Variants in TMEM266 observed in about 807,000 individuals in gnomAD.
The protein encoded by TMEM266 is Hv1 related protein 1.
In TMEM266, 33 loss-of-function variants were observed where a neutral mutation model predicts 50.5. The ratio of observed to expected loss-of-function variants is 0.65; its 90% CI spans 0.50 to 0.87. The LOEUF (loss-of-function observed/expected upper bound fraction) is 0.87, where lower values mean the gene tolerates loss of function less well. Among genes scored for constraint, TMEM266 ranks in the 40% least tolerant of loss-of-function variants. The pLI is 0.00. For missense variants in TMEM266, 655 were observed against 695.1 expected (o/e 0.94, Z 0.65); for synonymous variants, 310 against 292.3 (o/e 1.06, Z -0.62).
At chr15:76,076,191 A>G (rs527547079) in intron 1 of TMEM266, among the ~76,000 whole-genome samples, 83 of 151,974 alleles carry the variant, frequency 5.5e-4, no homozygotes, top group Non-Finnish European at 9.6e-4. Context: ...CTAACGTTCC[A>G]TCCTGAAGAT....
intron 1 of TMEM266, among the ~76,000 whole-genome samples, chr15:76,115,134 CTT>C (rs1030637836): frequency 1.3e-5 from 2 of 152,110 alleles, no homozygotes; most frequent in African/African-American, 4.8e-5. Flanking sequence ...TATCCCTTGT[CTT>C]TTTAAAATAA....
rs71444968 is a variant in TMEM266, at chr15:76,157,998, GTAAATAAATAAA to G, written c.382+1259_382+1270del. Among the ~76,000 whole-genome samples the G allele has an allele frequency of 4.8e-4, 72 of 150,512 alleles. 1 individual carries two copies. The South Asian group carries it at 5.7e-3, about 12-fold the overall frequency. ...GTGAGACCCCATCTCAAATAAATAA[GTAAATAAATAAA>G]TAAATAAATAAATAAATAGAGGTAC... is the stretch of plus-strand genomic sequence containing the variant. On this transcript the variant is annotated intron_variant, in intron 4 of 10. Coordinates refer to ENST00000388942, the MANE Select transcript of TMEM266 (RefSeq NM_152335.3).
At chr15:76,061,251 C>T (rs536347246) in intron 1 of TMEM266, among the ~76,000 whole-genome samples, 2 of 152,296 alleles carry the variant, frequency 1.3e-5, no homozygotes, top group East Asian at 3.9e-4. Context: ...CATCTAATCA[C>T]GAGAAGGACA....
intron 9 of TMEM266, among the ~76,000 whole-genome samples, chr15:76,198,381 C>T (rs1253684808): frequency 3.9e-5 from 6 of 152,028 alleles, no homozygotes; most frequent in African/African-American, 7.2e-5. Context: ...AGCAAACTCC[C>T]GGGGGCAGGG....
intron 10 of TMEM266, 111 bp from the exon 11 acceptor site, chr15:76,203,630 C>T (rs2142094270): frequency 2.0e-6 from 2 of 1,020,234 alleles, no homozygotes; most frequent in Non-Finnish European, 3.0e-6. Flanking sequence ...GCACGGTCTC[C>T]TACAGCCTAG....
chr15:76,105,202 C>T (rs190516755), intron 1 of TMEM266, among the ~76,000 whole-genome samples: 96 of 151,996 alleles, frequency 6.3e-4, no homozygotes, highest in Middle Eastern at 3.4e-3. Flanking sequence ...GCAGAGATCG[C>T]GCCACTGTAC....
At chr15:76,157,108 C>G (rs1312510195) in intron 4 of TMEM266, among the ~76,000 whole-genome samples, 1 of 152,112 alleles carries the variant, frequency 6.6e-6, no homozygotes, top group Non-Finnish European at 1.5e-5. Flanking sequence ...TTGGAATTTT[C>G]TGTAGTCTAA....
intron 8 of TMEM266, among the ~76,000 whole-genome samples, chr15:76,185,520 G>T (rs1037449779): frequency 3.3e-5 from 5 of 152,082 alleles, no homozygotes; most frequent in African/African-American, 1.2e-4. Flanking sequence ...CGCTCATTTT[G>T]TCTGTCTTTC....
intron 1 of TMEM266, among the ~76,000 whole-genome samples, chr15:76,090,794 T>C (rs111634548): frequency 4.5e-4 from 68 of 152,244 alleles, no homozygotes; most frequent in African/African-American, 1.6e-3. Flanking sequence ...GGAGAGGTTG[T>C]CTAACAGATA....
At chr15:76,073,600 G>A (rs973536368) in intron 1 of TMEM266, among the ~76,000 whole-genome samples, 8 of 152,208 alleles carry the variant, frequency 5.3e-5, no homozygotes, top group African/African-American at 7.2e-5. Context: ...CACACAGTGA[G>A]TTGGCTTTAC....
chr15:76,197,124 G>C (rs1028887647), intron 9 of TMEM266, among the ~76,000 whole-genome samples: 1 of 152,210 alleles, frequency 6.6e-6, no homozygotes, highest in Non-Finnish European at 1.5e-5. Context: ...CCCCAGGGGA[G>C]GGAGCTGAGC....
chr15:76,107,052 C>T (rs2037092473), intron 1 of TMEM266, among the ~76,000 whole-genome samples: 1 of 152,184 alleles, frequency 6.6e-6, no homozygotes, highest in African/African-American at 2.4e-5. Context: ...TTCTTCTAGA[C>T]TGTCTCTGTC....
chr15:76,144,482 G>A (rs4886773), intron 3 of TMEM266, among the ~76,000 whole-genome samples: 1 of 152,062 alleles, frequency 6.6e-6, no homozygotes, highest in African/African-American at 2.4e-5. Flanking sequence ...CCAAGTCAAG[G>A]GGCTTCAGAA....
chr15:76,192,913 T>C (rs1175900973), intron 9 of TMEM266, among the ~76,000 whole-genome samples: 2 of 152,180 alleles, frequency 1.3e-5, no homozygotes, highest in Non-Finnish European at 2.9e-5. Flanking sequence ...GAAATGGTGG[T>C]ACTGGGCTGG....
chr15:76,175,177 C>G (rs2038254219), intron 7 of TMEM266: 1 of 203,380 alleles, frequency 4.9e-6, no homozygotes, highest in African/African-American at 2.4e-5. Flanking sequence ...CTGGCCCCAG[C>G]TCCTTTGTGA....
rs2037996017 is a variant in TMEM266 at position 76,160,188 on chromosome 15, C to G, written c.456+20C>G. 5.0e-6 allele frequency: 8 copies of G among 1,605,798 alleles called. No individual in the cohort carries two copies. The highest frequency in any genetic ancestry group is 6.8e-6 in the Non-Finnish European group (8 of 1,172,428). ...TCAGAGGTAGGTGGAGACTCTGGCC[C>G]TGTCACCTCCTCTGTTGGGTGACTC... On this transcript the variant is annotated intron_variant, in intron 5 of 10. Transcript: ENST00000388942. This position sits in a 1 kb window ranked among gnomAD's most constrained non-coding sequence, Gnocchi z 5.7.
chr15:76,185,022 G>C (rs2038473342), intron 8 of TMEM266, among the ~76,000 whole-genome samples: 1 of 152,150 alleles, frequency 6.6e-6, no homozygotes, highest in Admixed American at 6.5e-5. Flanking sequence ...ACAGGCCCGT[G>C]TGAGCCCTGG....
At chr15:76,076,874 T>C (rs2036614493) in intron 1 of TMEM266, among the ~76,000 whole-genome samples, 1 of 152,144 alleles carries the variant, frequency 6.6e-6, no homozygotes, top group Admixed American at 6.5e-5. Context: ...TTGCCAGAAG[T>C]AATTCCTTTT....
rs549207397 is a variant in TMEM266 at position 76,072,336 on chromosome 15, G to T, written c.-97+12320G>T. 1.1e-3 allele frequency among the ~76,000 whole-genome samples: 163 copies of T among 151,834 alleles called. 1 individual carries two copies. Among genetic ancestry groups the T allele is most frequent in the African/African-American group, 3.9e-3 (163 of 41,408 alleles). ...GCCTGTAATCCCAGCTATTTGGGAG[G>T]CTGAGGCAGGAGAATCTCTTGAACC... On this transcript the variant is annotated intron_variant, in intron 1 of 10. Transcript: ENST00000388942.
Sources: gnomAD v4.1 joint callset for allele counts (sites outside exome capture counted in the v4.1 genomes callset) on GRCh38, gnomAD v4.1.1 for gene constraint, Gnocchi (gnomAD v3.1) non-coding constraint, MANE v1.5 for transcripts, NCBI Gene and HGNC (gene_info 2026-07-23, HGNC 2026-07-21) for gene names.